The following MYO1D variants were observed in gnomAD, a reference collection of about 807,000 sequenced individuals.
MYO1D encodes the protein unconventional myosin-Id.
In MYO1D, 83 loss-of-function variants were observed where a neutral mutation model predicts 122.0. The ratio of observed to expected loss-of-function variants is 0.68; its 90% CI spans 0.57 to 0.82. The LOEUF is 0.82. Among genes scored for constraint, MYO1D ranks in the 40% least tolerant of loss-of-function variants. MYO1D has a pLI of 0.00. For missense variants in MYO1D, 1,157 were observed against 1,269.5 expected (o/e 0.91, Z 1.35); for synonymous variants, 464 against 446.9 (o/e 1.04, Z -0.48).
intron 1 of MYO1D, among the ~76,000 whole-genome samples, chr17:32,825,014 G>A (rs2090708511): frequency 6.6e-6 from 1 of 152,042 alleles, no homozygotes; most frequent in Non-Finnish European, 1.5e-5. Flanking sequence ...TTACTTGCAT[G>A]TTTTTCTTTA....
At chr17:32,756,785 A>G (rs974496660) in intron 10 of MYO1D, among the ~76,000 whole-genome samples, 8 of 152,190 alleles carry the variant, frequency 5.3e-5, no homozygotes, top group Admixed American at 3.9e-4. Context: ...GATAAGAAAA[A>G]GCTTTTCCTT....
At chr17:32,650,498 C>T (rs1157817251) in intron 19 of MYO1D, among the ~76,000 whole-genome samples, 1 of 152,062 alleles carries the variant, frequency 6.6e-6, no homozygotes, top group East Asian at 1.9e-4. Context: ...TTCTCTCCTT[C>T]TCTCCTCTCC....
chr17:32,818,837 C>T (rs536333418), intron 1 of MYO1D, among the ~76,000 whole-genome samples: 1 of 152,124 alleles, frequency 6.6e-6, no homozygotes, highest in Non-Finnish European at 1.5e-5. Flanking sequence ...ATGTAATGGG[C>T]CTGGAAAATT....
At chr17:32,627,657 T>C (rs1415602287) in intron 20 of MYO1D, 2 of 152,112 alleles carry the variant, frequency 1.3e-5, no homozygotes, top group Non-Finnish European at 2.9e-5. Flanking sequence ...GTGCAATTAA[T>C]TGGCTGCTTC....
At chr17:32,794,711 C>T (rs150100434) in intron 1 of MYO1D, among the ~76,000 whole-genome samples, 37 of 152,172 alleles carry the variant, frequency 2.4e-4, no homozygotes, top group African/African-American at 8.9e-4. Context: ...CAGAGCAGGG[C>T]ATGTGACTAT....
At chr17:32,607,736 G>C (rs2087645809) in intron 20 of MYO1D, among the ~76,000 whole-genome samples, 1 of 152,076 alleles carries the variant, frequency 6.6e-6, no homozygotes, top group African/African-American at 2.4e-5. Context: ...TAAAGTTGGA[G>C]GGCTCATAGA....
At chr17:32,592,946 C>T (rs1202352385) in intron 21 of MYO1D, among the ~76,000 whole-genome samples, 4 of 152,198 alleles carry the variant, frequency 2.6e-5, no homozygotes, top group Admixed American at 6.5e-5. Context: ...ATGCTGGCCC[C>T]GTACACTTCG....
intron 21 of MYO1D, among the ~76,000 whole-genome samples, chr17:32,513,448 T>G (rs930783293): frequency 6.6e-6 from 1 of 152,168 alleles, no homozygotes; most frequent in African/African-American, 2.4e-5. Flanking sequence ...GAGAATGAGT[T>G]TGTTTTTTGG....
intron 4 of MYO1D, among the ~76,000 whole-genome samples, chr17:32,775,198 G>A (rs1330944928): frequency 6.6e-6 from 1 of 152,166 alleles, no homozygotes; most frequent in Non-Finnish European, 1.5e-5. Flanking sequence ...CTACTCAGGA[G>A]GCTGAGGTGG....
At chr17:32,747,618 A>G (rs958918402) in intron 12 of MYO1D, among the ~76,000 whole-genome samples, 3 of 151,972 alleles carry the variant, frequency 2.0e-5, no homozygotes, top group Non-Finnish European at 2.9e-5. Flanking sequence ...GGGCAGATCA[A>G]TTGAGGTCAG....
intron 3 of MYO1D, among the ~76,000 whole-genome samples, chr17:32,778,127 C>T: frequency 6.6e-6 from 1 of 152,072 alleles, no homozygotes; most frequent in East Asian, 1.9e-4. Context: ...ATAAAACCTA[C>T]CAGTGTAAAT....
chr17:32,622,527 T>C (rs976556676), intron 20 of MYO1D, among the ~76,000 whole-genome samples: 2 of 152,086 alleles, frequency 1.3e-5, no homozygotes, highest in African/African-American at 4.8e-5. Flanking sequence ...TGTAAAGGCA[T>C]ACAGAGGGAT....
chr17:32,553,969 CTCT>C (rs2087045834), intron 21 of MYO1D, among the ~76,000 whole-genome samples: 1 of 152,148 alleles, frequency 6.6e-6, no homozygotes, highest in East Asian at 1.9e-4. Context: ...ATCTTCCATG[CTCT>C]TCCCCTCCTT....
chr17:32,638,047 C>A (rs1197381243), intron 20 of MYO1D, among the ~76,000 whole-genome samples: 2 of 152,178 alleles, frequency 1.3e-5, no homozygotes, highest in Non-Finnish European at 2.9e-5. Flanking sequence ...AGGAAAATCA[C>A]CTGACACGTG....
chr17:32,508,452 T>G (rs918035971), intron 21 of MYO1D, among the ~76,000 whole-genome samples: 15 of 151,928 alleles, frequency 9.9e-5, no homozygotes, highest in African/African-American at 3.1e-4. Context: ...ATTTTTGTAT[T>G]TTTACTAGAG....
chr17:32,759,500 T>A (rs926253382), intron 10 of MYO1D, among the ~76,000 whole-genome samples: 1 of 152,184 alleles, frequency 6.6e-6, no homozygotes, highest in African/African-American at 2.4e-5. Flanking sequence ...GGATGAACAA[T>A]CATATAAACT....
chr17:32,588,764 A>G (rs955902539), intron 21 of MYO1D, among the ~76,000 whole-genome samples: 4 of 152,080 alleles, frequency 2.6e-5, no homozygotes, highest in Non-Finnish European at 5.9e-5. Flanking sequence ...AGCCTGGCCA[A>G]CATGGTGAAA....
intron 19 of MYO1D, among the ~76,000 whole-genome samples, chr17:32,645,011 T>C (rs923396924): frequency 5.9e-5 from 9 of 152,360 alleles, no homozygotes; most frequent in East Asian, 5.8e-4. Flanking sequence ...CTAGCATCGA[T>C]GGCTTTTACA....
At position 32,874,264 on chromosome 17, in the gene MYO1D, C is replaced by T. The variant is rs191898762; in HGVS notation, c.95+2514G>A. ...CTTTTCCTTTCTTTTTTTCTTTTCTCTCCTTCCTTCCCTTCCTTCCTCTTT... is the reference window on the plus strand; with the variant it reads ...CTTTTCCTTTCTTTTTTTCTTTTCTTTCCTTCCTTCCCTTCCTTCCTCTTT... On this transcript the variant is annotated intron_variant, in intron 1 of 21. Transcript: ENST00000318217. Among the ~76,000 whole-genome samples, 106 of 151,038 alleles carry T rather than the reference C, an allele frequency of 7.0e-4. 1 individual carries two copies. Among genetic ancestry groups the T allele is most frequent in the African/African-American group, 2.6e-3 (105 of 41,032 alleles).
Sources: gnomAD v4.1 joint callset for allele counts (sites outside exome capture counted in the v4.1 genomes callset) on GRCh38, gnomAD v4.1.1 for gene constraint, MANE v1.5 for transcripts, NCBI Gene and HGNC (gene_info 2026-07-23, HGNC 2026-07-21) for gene names.